Variants in VPS13B observed in about 807,000 individuals in gnomAD.
The protein encoded by VPS13B is intermembrane lipid transfer protein VPS13B.
VPS13B carries 285 observed loss-of-function variants against 426.4 expected under a neutral mutation model. The observed-to-expected ratio is 0.67, with a 90% CI of 0.61 to 0.74. VPS13B has a LOEUF of 0.74. Among genes scored for constraint, VPS13B ranks in the 30% least tolerant of loss-of-function variants. The probability of loss-of-function intolerance (pLI) is 0.00; values close to 1 mark genes in which losing one functional copy is unlikely to be tolerated. For missense variants in VPS13B, 4,537 were observed against 4,782.6 expected (o/e 0.95, Z 1.51); for synonymous variants, 1,676 against 1,676.4 (o/e 1.00, Z 0.01).
intron 44 of VPS13B, among the ~76,000 whole-genome samples, chr8:99,816,516 A>G (rs1814050556): frequency 6.6e-6 from 1 of 152,174 alleles, no homozygotes; most frequent in African/African-American, 2.4e-5. Flanking sequence ...TAAAACTTAC[A>G]CAGTTTAGGC....
chr8:99,159,488 G>T (rs543717399), intron 15 of VPS13B, among the ~76,000 whole-genome samples: 3 of 152,138 alleles, frequency 2.0e-5, no homozygotes, highest in Non-Finnish European at 4.4e-5. Context: ...GAAAGGAAGA[G>T]TTAATCAATA....
At chr8:99,046,734 TGA>T in intron 3 of VPS13B, among the ~76,000 whole-genome samples, 2 of 152,324 alleles carry the variant, frequency 1.3e-5, no homozygotes, top group Admixed American at 1.3e-4. Context: ...CCAATTTTCC[TGA>T]GAGTTTTAAT....
At chr8:99,090,184 T>G (rs750519546) in intron 3 of VPS13B, among the ~76,000 whole-genome samples, 3 of 152,294 alleles carry the variant, frequency 2.0e-5, no homozygotes, top group Non-Finnish European at 4.4e-5. Flanking sequence ...TCCACTTTTC[T>G]TAAGAGAAGC....
intron 14 of VPS13B, 125 bp downstream of exon 14, chr8:99,148,135 C>T: frequency 9.5e-7 from 1 of 1,055,598 alleles, no homozygotes; most frequent in East Asian, 2.6e-5. Flanking sequence ...CCTGGCAATT[C>T]AGGAGGCTGG....
chr8:99,322,319 G>C (rs1204653679), intron 19 of VPS13B, among the ~76,000 whole-genome samples: 1 of 152,120 alleles, frequency 6.6e-6, no homozygotes, highest in Non-Finnish European at 1.5e-5. Flanking sequence ...TGAATTGCTA[G>C]ATTTAGGCTT....
At chr8:99,137,163 G>A (rs1250300214) in intron 12 of VPS13B, among the ~76,000 whole-genome samples, 1 of 151,814 alleles carries the variant, frequency 6.6e-6, no homozygotes, top group African/African-American at 2.4e-5. Context: ...GACTTTAGAT[G>A]TATATATTGT....
chr8:99,689,078 G>A (rs1021888934), intron 35 of VPS13B, among the ~76,000 whole-genome samples: 14 of 151,930 alleles, frequency 9.2e-5, no homozygotes, highest in Middle Eastern at 3.2e-3. Flanking sequence ...TCTTCTTTCC[G>A]GTAAAGAATA....
intron 17 of VPS13B, chr8:99,233,948 T>C: frequency 1.3e-6 from 1 of 793,488 alleles, no homozygotes. Flanking sequence ...TCCAGAGTTC[T>C]CTTTTCTATG....
chr8:99,806,557 A>C (rs979887845), intron 43 of VPS13B, among the ~76,000 whole-genome samples: 7 of 152,172 alleles, frequency 4.6e-5, no homozygotes, highest in African/African-American at 1.7e-4. Context: ...GGCAAAGAAC[A>C]TATCTCTTCC....
At chr8:99,650,907 C>A (rs1829790208) in intron 34 of VPS13B, among the ~76,000 whole-genome samples, 2 of 152,004 alleles carry the variant, frequency 1.3e-5, no homozygotes, top group South Asian at 4.2e-4. Context: ...GACTTTTTTT[C>A]TTATTATCCT....
intron 43 of VPS13B, among the ~76,000 whole-genome samples, chr8:99,797,824 A>G (rs1812930215): frequency 6.6e-6 from 1 of 152,220 alleles, no homozygotes; most frequent in Admixed American, 6.5e-5. Flanking sequence ...AACTGAAAGT[A>G]TATAGTGTAA....
At position 99,100,878 on chromosome 8, in the gene VPS13B, TAAA is replaced by T. The variant is rs763656903; in HGVS notation, c.413-2069_413-2067del. The stretch of plus-strand genomic sequence containing the variant: ...CAACATGGTGAAACCCCATCTCTAC[TAAA>T]AAAAATACAAAAATTAGCCTGACGT... On this transcript the variant is annotated intron_variant, in intron 4 of 61. Transcript: ENST00000357162. Among the ~76,000 whole-genome samples, 676 of 151,182 alleles carry T rather than the reference TAAA, an allele frequency of 4.5e-3. 2 individuals are homozygous for T. The highest frequency in any genetic ancestry group is 6.4e-3 in the Non-Finnish European group (434 of 67,772).
At chr8:99,820,467 A>T (rs752265113) in intron 49 of VPS13B, among the ~76,000 whole-genome samples, 1 of 152,088 alleles carries the variant, frequency 6.6e-6, no homozygotes, top group African/African-American at 2.4e-5. Context: ...TACCCTAGGT[A>T]CTCTTTGCTG....
intron 29 of VPS13B, among the ~76,000 whole-genome samples, chr8:99,518,599 C>T (rs1247346687): frequency 6.6e-6 from 1 of 152,022 alleles, no homozygotes; most frequent in Non-Finnish European, 1.5e-5. Context: ...TTGCCTTTCC[C>T]TCCTCCCTTC....
At chr8:99,489,790 A>G (rs1820503212) in intron 25 of VPS13B, among the ~76,000 whole-genome samples, 2 of 152,204 alleles carry the variant, frequency 1.3e-5, no homozygotes, top group Non-Finnish European at 2.9e-5. Flanking sequence ...TTATCAGCTT[A>G]AGGAGATTTG....
At chr8:99,559,657 A>G (rs1015823132) in intron 31 of VPS13B, among the ~76,000 whole-genome samples, 2 of 152,218 alleles carry the variant, frequency 1.3e-5, no homozygotes, top group South Asian at 2.1e-4. Context: ...CATTTATTAT[A>G]TAGGAAATCC....
chr8:99,159,001 C>T (rs1421996050), intron 15 of VPS13B, among the ~76,000 whole-genome samples: 2 of 152,178 alleles, frequency 1.3e-5, no homozygotes, highest in African/African-American at 4.8e-5. Context: ...GGAAAAGATT[C>T]ATCAATCTAG....
chr8:99,541,333 C>A (rs1823604433), intron 30 of VPS13B, among the ~76,000 whole-genome samples: 1 of 151,940 alleles, frequency 6.6e-6, no homozygotes, highest in Non-Finnish European at 1.5e-5. Flanking sequence ...ATAAGCATGG[C>A]ACATTTTTTT....
At chr8:99,305,918 C>A (rs939002468) in intron 19 of VPS13B, among the ~76,000 whole-genome samples, 1 of 152,118 alleles carries the variant, frequency 6.6e-6, no homozygotes, top group Non-Finnish European at 1.5e-5. Flanking sequence ...TGTCTGCTTT[C>A]TTGTTAGTAC....
Sources: gnomAD v4.1 joint callset for allele counts (sites outside exome capture counted in the v4.1 genomes callset) on GRCh38, gnomAD v4.1.1 for gene constraint, MANE v1.5 for transcripts, NCBI Gene and HGNC (gene_info 2026-07-23, HGNC 2026-07-21) for gene names.